The following ADGRL2 variants were observed in gnomAD, a reference collection of about 807,000 sequenced individuals.
ADGRL2 encodes the protein adhesion G protein-coupled receptor L2, also known as calcium-independent alpha-latrotoxin receptor 2.
Under a neutral mutation model 157.4 loss-of-function variants are expected in ADGRL2, and 44 were observed. The ratio of observed to expected loss-of-function variants is 0.28; its 90% CI spans 0.22 to 0.36. The LOEUF (loss-of-function observed/expected upper bound fraction) is 0.36. Ranked by LOEUF, ADGRL2 falls within the 10% of genes least tolerant of loss-of-function variation. ADGRL2 has a pLI of 1.00. For synonymous variants in ADGRL2, 585 were observed against 624.7 expected (o/e 0.94, Z 0.95); for missense variants, 1,510 against 1,768.9 (o/e 0.85, Z 2.63).
At chr1:81,672,775 A>T (rs1238354522) in intron 3 of ADGRL2, among the ~76,000 whole-genome samples, 1 of 77,096 alleles carries the variant, frequency 1.3e-5, no homozygotes, top group Non-Finnish European at 2.7e-5. Context: ...ATTCTATGTT[A>T]AAAAAATAAA....
At chr1:81,821,695 G>A (rs115969551) in intron 1 of ADGRL2, among the ~76,000 whole-genome samples, 1 of 152,146 alleles carries the variant, frequency 6.6e-6, no homozygotes, top group African/African-American at 2.4e-5. Context: ...TGAAATGCCG[G>A]AACAATTTCT....
intron 2 of ADGRL2, among the ~76,000 whole-genome samples, chr1:81,906,342 G>A (rs781406085): frequency 5.9e-5 from 9 of 152,104 alleles, no homozygotes; most frequent in Non-Finnish European, 1.3e-4. Flanking sequence ...GTACTGCTTT[G>A]GAAGAATATA....
chr1:81,463,573 G>C (rs1230421694), intron 2 of ADGRL2, among the ~76,000 whole-genome samples: 1 of 152,114 alleles, frequency 6.6e-6, no homozygotes, highest in Non-Finnish European at 1.5e-5. Flanking sequence ...GTTTTCCTCT[G>C]GCCTCTTTCA....
intron 2 of ADGRL2, among the ~76,000 whole-genome samples, chr1:81,853,523 G>T (rs934084536): frequency 6.6e-6 from 1 of 152,136 alleles, no homozygotes; most frequent in Non-Finnish European, 1.5e-5. Context: ...CAAAAAAGTG[G>T]AGGTTGGTGT....
At chr1:81,367,052 A>G (rs2100957047) in intron 1 of ADGRL2, among the ~76,000 whole-genome samples, 1 of 152,294 alleles carries the variant, frequency 6.6e-6, no homozygotes, top group Admixed American at 6.5e-5. Context: ...CTGGTTACAG[A>G]ACAGTTCCAC....
intron 3 of ADGRL2, among the ~76,000 whole-genome samples, chr1:81,609,351 G>A (rs894254364): frequency 6.6e-6 from 1 of 152,116 alleles, no homozygotes; most frequent in African/African-American, 2.4e-5. Flanking sequence ...ATATACAAGT[G>A]TGTTTTATCT....
chr1:81,678,924 G>T (rs1305507299), intron 3 of ADGRL2, among the ~76,000 whole-genome samples: 1 of 152,194 alleles, frequency 6.6e-6, no homozygotes, highest in Non-Finnish European at 1.5e-5. Context: ...TTCCTTGTTG[G>T]TGATGAAATA....
At chr1:81,471,290 A>T (rs910369292) in intron 2 of ADGRL2, among the ~76,000 whole-genome samples, 1 of 152,168 alleles carries the variant, frequency 6.6e-6, no homozygotes, top group Non-Finnish European at 1.5e-5. Flanking sequence ...CAATACAAAG[A>T]TATTTATATT....
intron 2 of ADGRL2, among the ~76,000 whole-genome samples, chr1:81,573,485 A>T (rs1397303066): frequency 6.6e-6 from 1 of 152,170 alleles, no homozygotes; most frequent in Non-Finnish European, 1.5e-5. Flanking sequence ...ATTTAAATTT[A>T]ACCCTACTAA....
chr1:81,685,697 A>G (rs548797736), intron 3 of ADGRL2, among the ~76,000 whole-genome samples: 506 of 152,274 alleles, frequency 3.3e-3, no homozygotes, highest in Non-Finnish European at 5.7e-3. Flanking sequence ...CAGAGTGGGC[A>G]TCTCTGTCTT....
intron 1 of ADGRL2, among the ~76,000 whole-genome samples, chr1:81,817,149 T>C (rs1461024576): frequency 6.6e-6 from 1 of 152,080 alleles, no homozygotes; most frequent in Admixed American, 6.6e-5. Flanking sequence ...CTATTCTGTA[T>C]GTCTAAGTAT....
At chr1:81,351,235 CTT>C (rs748195286) in intron 1 of ADGRL2, among the ~76,000 whole-genome samples, 18 of 142,064 alleles carry the variant, frequency 1.3e-4, no homozygotes, top group Admixed American at 2.1e-4. Flanking sequence ...GAGGTTGTTC[CTT>C]TTTTTTTTTT....
intron 2 of ADGRL2, among the ~76,000 whole-genome samples, chr1:81,491,123 A>G (rs191877752): frequency 6.2e-4 from 95 of 152,290 alleles, no homozygotes; most frequent in African/African-American, 2.2e-3. Context: ...TAACTTCTCT[A>G]AAACAATAAA....
chr1:81,342,854 A>G (rs1662174669), intron 1 of ADGRL2, among the ~76,000 whole-genome samples: 1 of 152,018 alleles, frequency 6.6e-6, no homozygotes, highest in Admixed American at 6.6e-5. Context: ...TTTGGGCTCA[A>G]TTCTTTCTCT....
At chr1:81,459,503 CTTTA>C (rs1251068643) in intron 2 of ADGRL2, among the ~76,000 whole-genome samples, 1 of 152,102 alleles carries the variant, frequency 6.6e-6, no homozygotes, top group African/African-American at 2.4e-5. Context: ...GAGTTTCCTT[CTTTA>C]TTTATTTAAG....
At chr1:81,817,030 AG>A (rs2090473030) in intron 1 of ADGRL2, among the ~76,000 whole-genome samples, 1 of 150,986 alleles carries the variant, frequency 6.6e-6, no homozygotes, top group South Asian at 2.1e-4. Flanking sequence ...ACTTTATAGT[AG>A]TGTACCCATC....
At chr1:81,825,763 A>T (rs933681747) in intron 1 of ADGRL2, among the ~76,000 whole-genome samples, 5 of 151,274 alleles carry the variant, frequency 3.3e-5, no homozygotes, top group African/African-American at 1.2e-4. Flanking sequence ...TCTGAGATCA[A>T]CCTTTGTCAA....
intron 1 of ADGRL2, among the ~76,000 whole-genome samples, chr1:81,309,943 TA>T (rs1418733156): frequency 6.6e-6 from 1 of 152,208 alleles, no homozygotes; most frequent in East Asian, 1.9e-4. Context: ...GAAGTTCTGA[TA>T]ACAATTAAAA....
chr1:81,863,883 CA>C (rs2093459503), intron 2 of ADGRL2, among the ~76,000 whole-genome samples: 1 of 152,184 alleles, frequency 6.6e-6, no homozygotes, highest in South Asian at 2.1e-4. Context: ...TCCTTAGTAC[CA>C]AGAGTTGAAT....
Sources: allele counts gnomAD v4.1 joint callset (sites outside exome capture counted in the v4.1 genomes callset), GRCh38; gene constraint gnomAD v4.1.1; transcripts MANE v1.5; gene names NCBI Gene and HGNC (gene_info 2026-07-23, HGNC 2026-07-21).